ACBD6: variants seen among roughly 807,000 people sequenced by gnomAD.
The protein encoded by ACBD6 is acyl-CoA-binding domain-containing protein 6.
A neutral mutation model predicts 37.2 loss-of-function variants in ACBD6; 28 were observed. The observed-to-expected ratio is 0.75, with a 90% confidence interval of 0.56 to 1.03. ACBD6 has a LOEUF of 1.03. Among genes scored for constraint, ACBD6 ranks in the 50% least tolerant of loss-of-function variants. ACBD6 has a pLI of 0.00. For missense variants in ACBD6, 340 were observed against 337.4 expected (o/e 1.01, Z -0.06); for synonymous variants, 113 against 126.8 (o/e 0.89, Z 0.73).
At chr1:180,280,973 C>G (rs895714480) in intron 9 of ACBD6, among the ~76,000 whole-genome samples, 5 of 152,182 alleles carry the variant, frequency 3.3e-5, no homozygotes, top group African/African-American at 1.2e-4. Flanking sequence ...CCCCTCATCA[C>G]CAGCCTATGT....
At chr1:180,310,563 C>CA (rs1411868651) in intron 7 of ACBD6, among the ~76,000 whole-genome samples, 5 of 152,050 alleles carry the variant, frequency 3.3e-5, no homozygotes, top group Non-Finnish European at 7.4e-5. Flanking sequence ...GCATGGCATG[C>CA]AGAGGAATAG....
At chr1:180,410,966 G>A (rs1323542136) in intron 5 of ACBD6, among the ~76,000 whole-genome samples, 1 of 152,218 alleles carries the variant, frequency 6.6e-6, no homozygotes, top group Non-Finnish European at 1.5e-5. Context: ...TGTGATGGGA[G>A]GAGGTCAAAA....
At chr1:180,424,765 G>GAA (rs917541417) in intron 4 of ACBD6, among the ~76,000 whole-genome samples, 62 of 151,954 alleles carry the variant, frequency 4.1e-4, no homozygotes, top group African/African-American at 1.4e-3. Flanking sequence ...AAGAGGAGAA[G>GAA]AAAAAAGAAG....
intron 6 of ACBD6, among the ~76,000 whole-genome samples, chr1:180,366,671 A>G (rs1396540576): frequency 6.6e-6 from 1 of 152,174 alleles, no homozygotes; most frequent in East Asian, 1.9e-4. Flanking sequence ...TATTCAATAT[A>G]AAAATGACAG....
At chr1:180,341,831 C>G (rs1041959002) in intron 6 of ACBD6, among the ~76,000 whole-genome samples, 2 of 151,670 alleles carry the variant, frequency 1.3e-5, no homozygotes, top group African/African-American at 4.9e-5. Flanking sequence ...GGTACACTCT[C>G]TGAATTGGAA....
At chr1:180,290,937 C>G (rs1649683353) in intron 7 of ACBD6, among the ~76,000 whole-genome samples, 1 of 152,178 alleles carries the variant, frequency 6.6e-6, no homozygotes, top group Non-Finnish European at 1.5e-5. Flanking sequence ...AGTGGAGTGG[C>G]ATAATTTGGC....
At chr1:180,416,240 T>C (rs1189863275) in intron 4 of ACBD6, among the ~76,000 whole-genome samples, 1 of 152,128 alleles carries the variant, frequency 6.6e-6, no homozygotes, top group African/African-American at 2.4e-5. Context: ...AGCAATATCA[T>C]TCCATATTTC....
intron 6 of ACBD6, among the ~76,000 whole-genome samples, chr1:180,395,831 A>T (rs909600772): frequency 6.6e-6 from 1 of 152,218 alleles, no homozygotes; most frequent in Non-Finnish European, 1.5e-5. Flanking sequence ...GAAAGCAGGG[A>T]CTTGAACAGA....
In ACBD6 at chr1:180,330,866, C is replaced by T. The variant is rs149402721; in HGVS notation, c.664-16144G>A. ...GGATAATATATGTGCTCTATCCACA[C>T]GGTGGTCTTCTAATCATTCAGACTC... On this transcript the variant is annotated intron_variant, in intron 6 of 7. Transcript: ENST00000367595. 1.8e-4 allele frequency among the ~76,000 whole-genome samples: 27 copies of T among 152,322 alleles called. No homozygotes were observed. In the East Asian group the frequency reaches 4.6e-3, roughly 26 times the overall value.
intron 7 of ACBD6, among the ~76,000 whole-genome samples, chr1:180,299,294 G>A (rs1471957467): frequency 6.6e-6 from 1 of 152,196 alleles, no homozygotes; most frequent in Non-Finnish European, 1.5e-5. Context: ...GGAGGAAAGG[G>A]TGCTAACATT....
chr1:180,446,973 A>T (rs988344016), intron 3 of ACBD6, among the ~76,000 whole-genome samples: 3 of 152,046 alleles, frequency 2.0e-5, no homozygotes, highest in African/African-American at 7.2e-5. Context: ...CCCGGGAGGG[A>T]GAGGTTGTAG....
intron 6 of ACBD6, among the ~76,000 whole-genome samples, chr1:180,347,404 G>T (rs1400749693): frequency 2.3e-5 from 3 of 128,020 alleles, no homozygotes; most frequent in African/African-American, 9.1e-5. Flanking sequence ...ATGCTTTGTC[G>T]GCTAGGCTGG....
intron 3 of ACBD6, among the ~76,000 whole-genome samples, chr1:180,485,264 A>T (rs192793556): frequency 6.6e-6 from 1 of 152,260 alleles, no homozygotes; most frequent in Non-Finnish European, 1.5e-5. Context: ...AATTCCAGGG[A>T]TAGGGCAGGG....
chr1:180,297,443 T>C lies in ACBD6; in HGVS notation c.695-8926A>G, dbSNP rs34153726. 4.7e-3 allele frequency among the ~76,000 whole-genome samples: 719 copies of C among 152,310 alleles called. 1 individual carries two copies. Among genetic ancestry groups the C allele is most frequent in the Non-Finnish European group, 7.7e-3 (523 of 68,020 alleles). ...TGAATGCTATCTCTGCCTTCAGCGATGTGGGGTTTCTTAGAAGGCTACCAA... is the reference window on the plus strand; with the variant it reads ...TGAATGCTATCTCTGCCTTCAGCGACGTGGGGTTTCTTAGAAGGCTACCAA... On this transcript the variant is annotated intron_variant, in intron 7 of 7. Coordinates refer to ENST00000367595, the MANE Select transcript of ACBD6 (RefSeq NM_032360.4).
intron 6 of ACBD6, among the ~76,000 whole-genome samples, chr1:180,356,138 G>T (rs1481204299): frequency 1.3e-5 from 2 of 151,708 alleles, no homozygotes; most frequent in African/African-American, 2.4e-5. Context: ...CTCCCAAAGT[G>T]CTGGGATTAC....
intron 7 of ACBD6, among the ~76,000 whole-genome samples, chr1:180,307,562 C>T (rs894744054): frequency 3.9e-5 from 6 of 152,152 alleles, no homozygotes; most frequent in African/African-American, 1.4e-4. Flanking sequence ...ATGGACACCC[C>T]ATTTATCATG....
At chr1:180,450,660 T>A (rs1490253106) in intron 3 of ACBD6, among the ~76,000 whole-genome samples, 1 of 152,086 alleles carries the variant, frequency 6.6e-6, no homozygotes, top group Admixed American at 6.5e-5. Context: ...TTCGGGAGGC[T>A]GAGGCAGAAG....
intron 3 of ACBD6, chr1:180,438,317 T>C (rs1649137665): frequency 6.5e-6 from 1 of 152,820 alleles, no homozygotes; most frequent in Non-Finnish European, 1.5e-5. Flanking sequence ...GAACTTAAAA[T>C]GTTTCTGTCC....
chr1:180,482,371 T>C (rs917463562), intron 3 of ACBD6, among the ~76,000 whole-genome samples: 3 of 152,160 alleles, frequency 2.0e-5, no homozygotes, highest in African/African-American at 7.2e-5. Flanking sequence ...TTCTCCCATC[T>C]ATGCTATTTT....
Sources: gnomAD v4.1 joint callset for allele counts (sites outside exome capture counted in the v4.1 genomes callset) on GRCh38, gnomAD v4.1.1 for gene constraint, MANE v1.5 for transcripts, NCBI Gene and HGNC (gene_info 2026-07-23, HGNC 2026-07-21) for gene names.